Variants in TICAM2 observed in about 807,000 individuals in gnomAD.
TICAM2 encodes the protein TIR domain containing adaptor molecule 2.
In TICAM2, 8 loss-of-function variants were observed where a neutral mutation model predicts 7.3. The observed-to-expected ratio is 1.10, with a 90% CI of 0.65 to 1.99. TICAM2 has a LOEUF of 1.99. Ranked by LOEUF, TICAM2 falls within the 30% of genes most tolerant of loss-of-function variation. The probability of loss-of-function intolerance (pLI) is 0.00; values close to 1 mark genes in which losing one functional copy is unlikely to be tolerated. For missense variants in TICAM2, 304 were observed against 278.8 expected (o/e 1.09, Z -0.65); for synonymous variants, 113 against 99.6 (o/e 1.13, Z -0.80).
intron 1 of TICAM2, among the ~76,000 whole-genome samples, chr5:115,585,620 A>C (rs1755075250): frequency 6.6e-6 from 1 of 152,246 alleles, no homozygotes; most frequent in Non-Finnish European, 1.5e-5. Flanking sequence ...ACAGAATTAG[A>C]TAAAAAGGGA....
chr5:115,587,572 G>C (rs1037531573), intron 1 of TICAM2, among the ~76,000 whole-genome samples: 1 of 152,194 alleles, frequency 6.6e-6, no homozygotes, highest in Non-Finnish European at 1.5e-5. Context: ...AAGTGATAGT[G>C]GAGGTAATGG....
At chr5:115,589,971 C>T (rs932298136) in intron 1 of TICAM2, among the ~76,000 whole-genome samples, 4 of 152,194 alleles carry the variant, frequency 2.6e-5, no homozygotes, top group Non-Finnish European at 4.4e-5. Flanking sequence ...ATCATTGACT[C>T]AACCAGAATA....
chr5:115,580,547 T>A lies in TICAM2; in HGVS notation c.*2A>T, dbSNP rs1057071537. 12 of 1,586,110 alleles carry A rather than the reference T, an allele frequency of 7.6e-6. No homozygotes were observed. The highest frequency in any genetic ancestry group is 1.0e-5 in the Non-Finnish European group (12 of 1,170,170). On this transcript the variant is annotated 3_prime_UTR_variant, in exon 2 of 2. Transcript: ENST00000427199. ...AGCCAGCCACATGTTATATGTTTCA[T>A]CTCAGGCAATAAATTGTCTTTGTAC...
chr5:115,599,642 T>C lies in TICAM2; in HGVS notation c.-60+2455A>G, dbSNP rs75861474. Among the ~76,000 whole-genome samples, 1,276 of 152,222 alleles carry C rather than the reference T, an allele frequency of 8.4e-3. 26 individuals are homozygous for C. Among genetic ancestry groups the C allele is most frequent in the African/African-American group, 0.029 (1,210 of 41,510 alleles). ...AAGAGATCTTGCTGCAATAGCACAG[T>C]AACCCCTGAGGCAGCATGCTAACAG... On this transcript the variant is annotated intron_variant, in intron 1 of 1. Transcript: ENST00000427199.
intron 1 of TICAM2, among the ~76,000 whole-genome samples, chr5:115,586,955 G>A (rs982841900): frequency 1.3e-5 from 2 of 152,110 alleles, no homozygotes. Flanking sequence ...AGCACGGGAC[G>A]CTTCACCCTT....
intron 1 of TICAM2, among the ~76,000 whole-genome samples, chr5:115,600,844 G>A (rs991325510): frequency 1.3e-5 from 2 of 152,156 alleles, no homozygotes; most frequent in Non-Finnish European, 2.9e-5. Context: ...CAAAGTAGGG[G>A]AGCGGGACCT....
At chr5:115,586,245 TATTCCTACAGTG>T (rs1398315269) in intron 1 of TICAM2, among the ~76,000 whole-genome samples, 3 of 152,212 alleles carry the variant, frequency 2.0e-5, no homozygotes, top group African/African-American at 7.2e-5. Context: ...TAAGATTAAC[TATTCCTACAGTG>T]ATTTTTTATT....
At chr5:115,583,117 G>A (rs561846790) in intron 1 of TICAM2, among the ~76,000 whole-genome samples, 50 of 152,260 alleles carry the variant, frequency 3.3e-4, no homozygotes, top group African/African-American at 1.2e-3. Flanking sequence ...CATTGATTAG[G>A]ATTCACTGCT....
At chr5:115,599,342 A>G (rs1002944793) in intron 1 of TICAM2, among the ~76,000 whole-genome samples, 2 of 152,136 alleles carry the variant, frequency 1.3e-5, no homozygotes, top group Non-Finnish European at 2.9e-5. Flanking sequence ...TTTTTAGTGA[A>G]CTGGATATTT....
chr5:115,592,992 A>C (rs1755366169), intron 1 of TICAM2, among the ~76,000 whole-genome samples: 1 of 152,132 alleles, frequency 6.6e-6, no homozygotes, highest in South Asian at 2.1e-4. Context: ...AAAATACAAA[A>C]ATTAGCTAGG....
In TICAM2 at chr5:115,580,291, C is replaced by A; in HGVS notation, c.*258G>T. ...TACAAGGAATATGGATTGAGAATTCCTTTTTCATATCCATGAACTAGGAAA... is the reference window on the plus strand; with the variant it reads ...TACAAGGAATATGGATTGAGAATTCATTTTTCATATCCATGAACTAGGAAA... On this transcript the variant is annotated 3_prime_UTR_variant, in exon 2 of 2. Transcript: ENST00000427199. 1 of 383,950 alleles carries A rather than the reference C, an allele frequency of 2.6e-6. No homozygotes were observed. Among genetic ancestry groups the A allele is most frequent in the East Asian group, 4.8e-5 (1 of 20,994 alleles). 23.8% of individuals were successfully genotyped at this position (383,950 alleles called of 1,614,324 possible).
At chr5:115,591,154 A>G (rs1755286930) in intron 1 of TICAM2, among the ~76,000 whole-genome samples, 1 of 152,240 alleles carries the variant, frequency 6.6e-6, no homozygotes, top group Non-Finnish European at 1.5e-5. Flanking sequence ...AGAAACCCAG[A>G]GACGACTCTC....
intron 1 of TICAM2, among the ~76,000 whole-genome samples, chr5:115,597,740 CAAG>C (rs1193097038): frequency 1.3e-5 from 2 of 152,048 alleles, no homozygotes; most frequent in African/African-American, 4.8e-5. Context: ...TACCAAAATC[CAAG>C]AATACTCAAG....
At chr5:115,597,868 A>G (rs1267522476) in intron 1 of TICAM2, among the ~76,000 whole-genome samples, 1 of 152,200 alleles carries the variant, frequency 6.6e-6, no homozygotes. Flanking sequence ...GAAAATCCAC[A>G]TATGAGGGGA....
chr5:115,585,681 G>A (rs190114003), intron 1 of TICAM2, among the ~76,000 whole-genome samples: 5 of 152,322 alleles, frequency 3.3e-5, no homozygotes, highest in East Asian at 3.9e-4. Flanking sequence ...TATAGAAACC[G>A]CAAAGGAGTG....
chr5:115,584,593 G>T (rs114451918), intron 1 of TICAM2, among the ~76,000 whole-genome samples: 1 of 152,252 alleles, frequency 6.6e-6, no homozygotes, highest in South Asian at 2.1e-4. Flanking sequence ...GCTCTCCGTA[G>T]GGCTGAGCCT....
intron 1 of TICAM2, among the ~76,000 whole-genome samples, chr5:115,601,765 G>A (rs539767070): frequency 1.3e-5 from 2 of 152,300 alleles, no homozygotes; most frequent in East Asian, 3.9e-4. Context: ...TGTGTGCCTG[G>A]CAGGGGCTCA....
chr5:115,582,420 G>T (rs528036976), intron 1 of TICAM2, among the ~76,000 whole-genome samples: 1 of 145,818 alleles, frequency 6.9e-6, no homozygotes, highest in Non-Finnish European at 1.5e-5. Context: ...CAATCCTCCC[G>T]CCTCAGCCTC....
intron 1 of TICAM2, among the ~76,000 whole-genome samples, chr5:115,587,802 G>A (rs1755162779): frequency 6.6e-6 from 1 of 152,176 alleles, no homozygotes; most frequent in African/African-American, 2.4e-5. Flanking sequence ...GCATAAAAGA[G>A]CATCTTAGAT....
Sources: gnomAD v4.1 joint callset for allele counts (sites outside exome capture counted in the v4.1 genomes callset) on GRCh38, gnomAD v4.1.1 for gene constraint, MANE v1.5 for transcripts, NCBI Gene and HGNC (gene_info 2026-07-23, HGNC 2026-07-21) for gene names.